The following RGS7BP variants were observed in gnomAD, a reference collection of about 807,000 sequenced individuals.
RGS7BP encodes the protein regulator of G protein signaling 7 binding protein, also known as regulator of G protein signaling 7-binding protein.
Under a neutral mutation model 31.3 loss-of-function variants are expected in RGS7BP, and 9 were observed. The ratio of observed to expected loss-of-function variants is 0.29; its 90% CI spans 0.17 to 0.50. The LOEUF (loss-of-function observed/expected upper bound fraction) is 0.50. Among genes scored for constraint, RGS7BP ranks in the 20% least tolerant of loss-of-function variants. The probability of loss-of-function intolerance (pLI) is 0.98; values close to 1 mark genes in which losing one functional copy is unlikely to be tolerated. For missense variants in RGS7BP, 274 were observed against 322.0 expected, an observed-to-expected ratio of 0.85 and a Z score of 1.14; for synonymous variants, 115 against 120.1, an observed-to-expected ratio of 0.96 and a Z score of 0.28.
chr5:64,543,722 G>A (rs1464977164), intron 2 of RGS7BP, among the ~76,000 whole-genome samples: 1 of 152,208 alleles, frequency 6.6e-6, no homozygotes, highest in African/African-American at 2.4e-5. Flanking sequence ...CTGCATAAGT[G>A]GAGCAGGGAG....
intron 2 of RGS7BP, among the ~76,000 whole-genome samples, chr5:64,567,638 T>A (rs1334247689): frequency 6.6e-6 from 1 of 152,184 alleles, no homozygotes; most frequent in East Asian, 1.9e-4. Flanking sequence ...CCTCAGGTTG[T>A]TTTAAAGCTG....
intron 3 of RGS7BP, among the ~76,000 whole-genome samples, chr5:64,576,995 G>A (rs1025770407): frequency 1.3e-5 from 2 of 152,122 alleles, no homozygotes; most frequent in African/African-American, 4.8e-5. Context: ...GAAATACTCA[G>A]GGAAAAGTTT....
chr5:64,556,455 AC>A (rs1386194061), intron 2 of RGS7BP, among the ~76,000 whole-genome samples: 7 of 150,520 alleles, frequency 4.7e-5, no homozygotes, highest in African/African-American at 9.8e-5. Context: ...ACACACACAC[AC>A]ACACAAAATT....
intron 2 of RGS7BP, among the ~76,000 whole-genome samples, chr5:64,533,322 A>C (rs1442098269): frequency 6.6e-6 from 1 of 152,242 alleles, no homozygotes; most frequent in Non-Finnish European, 1.5e-5. Context: ...ATGAATAAGA[A>C]GCTTTGAAGA....
chr5:64,572,264 T>C (rs1408983051), intron 2 of RGS7BP, among the ~76,000 whole-genome samples: 1 of 152,194 alleles, frequency 6.6e-6, no homozygotes, highest in African/African-American at 2.4e-5. Flanking sequence ...TCATTCTCCA[T>C]GTTTCAGCTC....
chr5:64,576,075 T>C (rs1300981696), intron 3 of RGS7BP, among the ~76,000 whole-genome samples, 171 bp downstream of exon 3: 2 of 152,230 alleles, frequency 1.3e-5, no homozygotes, highest in South Asian at 4.1e-4. Flanking sequence ...ATATCAGTAC[T>C]ATTAAGTGTG....
rs1386470207 is a variant in RGS7BP at position 64,560,545 on chromosome 5, A to G, written c.333-15229A>G. On this transcript the variant is annotated intron_variant, in intron 2 of 5. Transcript: ENST00000334025. ...TATGTCTAATAGTTAATATCATTGTATATATATATATATATATAATCTATC... is the reference window on the plus strand; with the variant it reads ...TATGTCTAATAGTTAATATCATTGTGTATATATATATATATATAATCTATC... Among the ~76,000 whole-genome samples, 8 of 70,814 alleles carry G rather than the reference A, an allele frequency of 1.1e-4. No individual in the cohort carries two copies. The East Asian group carries it at 1.4e-3, about 12-fold the overall frequency. The allele number at this position is 70,814 out of a possible 152,430, so 46.5% of individuals were successfully genotyped here.
intron 3 of RGS7BP, among the ~76,000 whole-genome samples, chr5:64,588,239 T>C (rs1429045521): frequency 3.3e-5 from 5 of 152,210 alleles, no homozygotes; most frequent in Non-Finnish European, 7.4e-5. Context: ...CAATTCTCCA[T>C]TGGTCTCTCA....
At chr5:64,573,921 T>C (rs906624503) in intron 2 of RGS7BP, among the ~76,000 whole-genome samples, 3 of 152,164 alleles carry the variant, frequency 2.0e-5, no homozygotes, top group African/African-American at 7.2e-5. Context: ...GTACAATTAT[T>C]ATGTGTCCAT....
chr5:64,579,543 C>CAAAAAAAA (rs34003776), intron 3 of RGS7BP, among the ~76,000 whole-genome samples: 4 of 53,302 alleles, frequency 7.5e-5, no homozygotes, highest in African/African-American at 1.7e-4. Context: ...GACTCCATCT[C>CAAAAAAAA]AAAAAAAAAA....
intron 3 of RGS7BP, among the ~76,000 whole-genome samples, chr5:64,589,385 A>T (rs1355021348): frequency 6.6e-6 from 1 of 152,120 alleles, no homozygotes; most frequent in African/African-American, 2.4e-5. Flanking sequence ...CAAATGATTG[A>T]TAATACTTAG....
At chr5:64,577,397 C>T (rs544057751) in intron 3 of RGS7BP, among the ~76,000 whole-genome samples, 16 of 151,820 alleles carry the variant, frequency 1.1e-4, no homozygotes, top group East Asian at 3.9e-4. Flanking sequence ...AGCCAAGATC[C>T]GGCCACTGCA....
intron 2 of RGS7BP, among the ~76,000 whole-genome samples, chr5:64,559,974 C>T (rs1387850489): frequency 6.6e-6 from 1 of 152,166 alleles, no homozygotes; most frequent in Non-Finnish European, 1.5e-5. Flanking sequence ...TAAAGGTTTA[C>T]TGGAAGTAAC....
chr5:64,594,282 C>A (rs1374001852), intron 3 of RGS7BP, among the ~76,000 whole-genome samples: 2 of 152,102 alleles, frequency 1.3e-5, no homozygotes, highest in Non-Finnish European at 2.9e-5. Flanking sequence ...ACAGCAGGAG[C>A]TCTCATTCTT....
rs570622055 is a variant in RGS7BP, at chr5:64,594,230, C to T, written c.464-480C>T. Among the ~76,000 whole-genome samples the T allele has an allele frequency of 2.0e-5, 3 of 152,214 alleles. No homozygotes were observed. In the South Asian group the frequency reaches 6.2e-4, roughly 32 times the overall value. ...GGAATTGGAAGACACCTGCATGATC[C>T]CTGCTGCATGCTGAGAGGGCCAGTG... On this transcript the variant is annotated intron_variant, in intron 3 of 5. Coordinates refer to ENST00000334025, the MANE Select transcript of RGS7BP (RefSeq NM_001029875.3).
intron 2 of RGS7BP, among the ~76,000 whole-genome samples, chr5:64,537,348 G>A (rs1018886014): frequency 6.6e-6 from 1 of 152,248 alleles, no homozygotes; most frequent in Admixed American, 6.5e-5. Flanking sequence ...AGCCTTCCTG[G>A]GTCACTTGTA....
intron 2 of RGS7BP, among the ~76,000 whole-genome samples, chr5:64,524,769 C>T (rs923469166): frequency 1.3e-5 from 2 of 152,116 alleles, no homozygotes; most frequent in Non-Finnish European, 1.5e-5. Context: ...AACTTCAACC[C>T]TCCTCTCTCC....
chr5:64,577,849 C>G (rs1483770703), intron 3 of RGS7BP, among the ~76,000 whole-genome samples: 1 of 152,136 alleles, frequency 6.6e-6, no homozygotes, highest in Admixed American at 6.5e-5. Context: ...TAGTTTTATT[C>G]CCAGGTCTGC....
intron 5 of RGS7BP, among the ~76,000 whole-genome samples, chr5:64,598,848 T>C (rs1743146411): frequency 6.6e-6 from 1 of 152,232 alleles, no homozygotes; most frequent in African/African-American, 2.4e-5. Flanking sequence ...ATGTATTAAC[T>C]GTATTAACTT....
Sources: allele counts gnomAD v4.1 joint callset (sites outside exome capture counted in the v4.1 genomes callset), GRCh38; gene constraint gnomAD v4.1.1; transcripts MANE v1.5; gene names NCBI Gene and HGNC (gene_info 2026-07-23, HGNC 2026-07-21).